Variants in FHL2 observed in about 807,000 individuals in gnomAD.
FHL2 encodes four and a half LIM domains 2.
In FHL2, 20 loss-of-function variants were observed where a neutral mutation model predicts 32.7. That is an observed-to-expected ratio of 0.61 (90% CI 0.43 to 0.89). The LOEUF (loss-of-function observed/expected upper bound fraction) is 0.89, where lower values mean the gene tolerates loss of function less well. Among genes scored for constraint, FHL2 ranks in the 40% least tolerant of loss-of-function variants. The pLI is 0.00. For synonymous variants in FHL2, 123 were observed against 128.1 expected (o/e 0.96, Z 0.27); for missense variants, 311 against 358.6 (o/e 0.87, Z 1.07).
intron 3 of FHL2, chr2:105,376,328 A>G (rs1157186305): frequency 6.6e-6 from 1 of 152,216 alleles, no homozygotes; most frequent in East Asian, 1.9e-4. Flanking sequence ...TTCAAAACAG[A>G]TAGCCTTGAG....
At chr2:105,361,491 A>C in intron 6 of FHL2, 57 bp from the exon 7 acceptor site, 1 of 1,507,156 alleles carries the variant, frequency 6.6e-7, no homozygotes, top group Non-Finnish European at 9.1e-7. Flanking sequence ...GGCAACTGGG[A>C]CTGAAGAAGG....
At chr2:105,408,101 C>A (rs1683690339) in intron 1 of FHL2, among the ~76,000 whole-genome samples, 1 of 152,178 alleles carries the variant, frequency 6.6e-6, no homozygotes, top group Non-Finnish European at 1.5e-5. Flanking sequence ...TGGAAGCAGG[C>A]CTACTTGCCA....
At chr2:105,389,295 C>A (rs1048039616) in intron 2 of FHL2, among the ~76,000 whole-genome samples, 6 of 152,324 alleles carry the variant, frequency 3.9e-5, no homozygotes, top group African/African-American at 7.2e-5. Flanking sequence ...GCAGCCATCT[C>A]GAGTTGGAGC....
At chr2:105,431,560 G>T (rs1011430781) in intron 1 of FHL2, among the ~76,000 whole-genome samples, 1 of 152,214 alleles carries the variant, frequency 6.6e-6, no homozygotes, top group South Asian at 2.1e-4. Context: ...GGTCAGGGCA[G>T]TGTGACTGGT....
chr2:105,400,556 A>C (rs1274614094), upstream of FHL2, among the ~76,000 whole-genome samples: 1 of 152,220 alleles, frequency 6.6e-6, no homozygotes, highest in Admixed American at 6.5e-5. Flanking sequence ...ATATCGTTAC[A>C]AATTAGGAAA....
intron 4 of FHL2, among the ~76,000 whole-genome samples, chr2:105,368,304 A>G (rs916632375): frequency 1.3e-5 from 2 of 152,156 alleles, no homozygotes; most frequent in Admixed American, 6.5e-5. Context: ...TATGCACTGT[A>G]CTAAGTGCTA....
intron 4 of FHL2, among the ~76,000 whole-genome samples, chr2:105,371,021 G>A (rs751527576): frequency 2.6e-5 from 4 of 152,094 alleles, no homozygotes; most frequent in Admixed American, 6.6e-5. Flanking sequence ...AGAGGCTGCC[G>A]GCCAGTTAAT....
chr2:105,405,789 A>G lies in FHL2; in HGVS notation c.-24-19249T>C, dbSNP rs13410590. Among the ~76,000 whole-genome samples the G allele has an allele frequency of 3.0e-3, 456 of 152,376 alleles. 2 individuals carry two copies. The highest frequency in any genetic ancestry group is 0.01 in the African/African-American group (431 of 41,588). On this transcript the variant is annotated intron_variant, in intron 1 of 5. Coordinates refer to the FHL2 transcript ENST00000393352. ...GCCAGGCTCTAGGAGGCAGGGGGTG[A>G]ACCCCAGGTCCAGGAGCTCCTATGG...
At chr2:105,420,655 C>A (rs897821809) in intron 1 of FHL2, among the ~76,000 whole-genome samples, 1 of 152,044 alleles carries the variant, frequency 6.6e-6, no homozygotes, top group African/African-American at 2.4e-5. Context: ...GCACCAGGGA[C>A]CCATTTTGTG....
intron 6 of FHL2, chr2:105,363,020 G>A (rs966990128): frequency 1.2e-5 from 5 of 425,826 alleles, no homozygotes; most frequent in South Asian, 7.4e-5. Flanking sequence ...CAGTTTTAGC[G>A]ATAATCCAAC....
rs1680399322 is a variant in FHL2 at position 105,363,260 on chromosome 2, G to T, written c.688+25C>A. The T allele has an allele frequency of 3.1e-6, 5 of 1,611,934 alleles. No individual in the cohort carries two copies. In the South Asian group the frequency reaches 5.5e-5, roughly 18 times the overall value. On this transcript the variant is annotated intron_variant, in intron 6 of 6. Transcript: ENST00000530340. ...TTGTTCAAGCTTCCAATCGCCCCTG[G>T]AAATGGGAACCCCGGGACACTCACC...
intron 1 of FHL2, among the ~76,000 whole-genome samples, chr2:105,433,630 G>T (rs1004562260): frequency 6.6e-6 from 1 of 151,920 alleles, no homozygotes; most frequent in East Asian, 1.9e-4. Flanking sequence ...GTGCCTCGGC[G>T]TCCTCACCTG....
intron 1 of FHL2, among the ~76,000 whole-genome samples, chr2:105,434,191 T>C (rs1477485359): frequency 1.3e-5 from 2 of 152,260 alleles, no homozygotes; most frequent in South Asian, 4.1e-4. Flanking sequence ...ATTTATGTCA[T>C]TCAAACCATG....
rs147826412 is a variant in FHL2, at chr2:105,396,903, T to C, written c.-75-206A>G. ...CAGGGCATCTGAGTCAGAGAGCCGCTTAGCGACTCAGGCCCGGTGCTGACA... is the reference window on the plus strand; with the variant it reads ...CAGGGCATCTGAGTCAGAGAGCCGCCTAGCGACTCAGGCCCGGTGCTGACA... On this transcript the variant is annotated intron_variant, in intron 1 of 6. Coordinates refer to ENST00000530340, the MANE Select transcript of FHL2 (RefSeq NM_001318895.3). 521 of 566,498 alleles carry C rather than the reference T, an allele frequency of 9.2e-4. 3 individuals are homozygous for C. The highest frequency in any genetic ancestry group is 6.7e-3 in the African/African-American group (354 of 53,206). The allele number at this position is 566,498 out of a possible 1,614,324, so 35.1% of individuals were successfully genotyped here.
At chr2:105,367,862 T>C in intron 4 of FHL2, 123 bp from the exon 5 acceptor site, 1 of 939,100 alleles carries the variant, frequency 1.1e-6, no homozygotes, top group Non-Finnish European at 1.6e-6. Context: ...CTTCAGCTCT[T>C]GAAGGCTCGC....
chr2:105,381,572 T>C (rs1003834477), intron 3 of FHL2, among the ~76,000 whole-genome samples: 1 of 152,200 alleles, frequency 6.6e-6, no homozygotes, highest in Admixed American at 6.5e-5. Context: ...TTTGGTTTTA[T>C]GCACTGACAG....
At chr2:105,360,396 T>A (rs1325013210), downstream of FHL2, 1 of 151,630 alleles carries the variant, frequency 6.6e-6, no homozygotes, top group Non-Finnish European at 1.5e-5. Flanking sequence ...TCTCTTTGTC[T>A]TCCAGGCTGG....
intron 5 of FHL2, 108 bp downstream of exon 5, chr2:105,367,462 C>T: frequency 1.7e-6 from 2 of 1,161,596 alleles, no homozygotes; most frequent in African/African-American, 1.5e-5. Flanking sequence ...GCTCCCACGC[C>T]ACTTAAGTAT....
chr2:105,368,533 T>C (rs1214538599), intron 4 of FHL2, among the ~76,000 whole-genome samples: 1 of 152,148 alleles, frequency 6.6e-6, no homozygotes, highest in Non-Finnish European at 1.5e-5. Context: ...ATTTAGTAAT[T>C]GCCTAAACCT....
Sources: gnomAD v4.1 joint callset for allele counts (sites outside exome capture counted in the v4.1 genomes callset) on GRCh38, gnomAD v4.1.1 for gene constraint, MANE v1.5 for transcripts, NCBI Gene and HGNC (gene_info 2026-07-23, HGNC 2026-07-21) for gene names.